The following NRG3 variants were observed in gnomAD, a reference collection of about 807,000 sequenced individuals.
NRG3 encodes pro-neuregulin-3, membrane-bound isoform.
NRG3 carries 31 observed loss-of-function variants against 66.9 expected under a neutral mutation model. The ratio of observed to expected loss-of-function variants is 0.46; its 90% confidence interval spans 0.35 to 0.63. The LOEUF is 0.63. NRG3 is among the 20% of genes least tolerant of loss of function. The pLI is 0.00. For synonymous variants in NRG3, 393 were observed against 359.4 expected (o/e 1.09, Z -1.06); for missense variants, 910 against 878.9 (o/e 1.04, Z -0.45).
rs147262644 is a variant in NRG3, at chr10:82,973,077, G to A, written c.1285-711G>A. 1.7e-3 allele frequency among the ~76,000 whole-genome samples: 255 copies of A among 152,250 alleles called. 3 individuals carry two copies. Among genetic ancestry groups the A allele is most frequent in the African/African-American group, 5.7e-3 (238 of 41,548 alleles). On this transcript the variant is annotated intron_variant, in intron 6 of 8. Coordinates refer to ENST00000372141, the MANE Select transcript of NRG3 (RefSeq NM_001010848.4). ...TCTACCTTTTGCCACCTGTTCCAGCGCCCAGTGTGCAGGGAGTGTTAAAGT... is the reference window on the plus strand; with the variant it reads ...TCTACCTTTTGCCACCTGTTCCAGCACCCAGTGTGCAGGGAGTGTTAAAGT...
chr10:82,283,658 A>G (rs1000933986), intron 1 of NRG3, among the ~76,000 whole-genome samples: 8 of 152,066 alleles, frequency 5.3e-5, no homozygotes, highest in Non-Finnish European at 1.0e-4. Context: ...AAATATACTG[A>G]TGCTTATGAT....
At chr10:82,550,087 G>A (rs990458304) in intron 2 of NRG3, among the ~76,000 whole-genome samples, 18 of 152,206 alleles carry the variant, frequency 1.2e-4, no homozygotes, top group African/African-American at 3.4e-4. Flanking sequence ...TGAAGTCCTC[G>A]AGTAGACTGT....
At chr10:81,912,608 A>G (rs1019570495) in intron 1 of NRG3, among the ~76,000 whole-genome samples, 1 of 152,176 alleles carries the variant, frequency 6.6e-6, no homozygotes, top group Admixed American at 6.5e-5. Flanking sequence ...AGAGTGTTAT[A>G]AGAGAGAATA....
intron 1 of NRG3, among the ~76,000 whole-genome samples, chr10:82,146,918 ACTGT>A (rs1212804766): frequency 2.6e-5 from 4 of 152,116 alleles, no homozygotes; most frequent in Non-Finnish European, 5.9e-5. Context: ...AAGTGAGTAG[ACTGT>A]CTGGGTCCAG....
At chr10:82,717,761 G>A (rs1400041494) in intron 2 of NRG3, among the ~76,000 whole-genome samples, 1 of 152,046 alleles carries the variant, frequency 6.6e-6, no homozygotes, top group African/African-American at 2.4e-5. Context: ...GAGTGTACAG[G>A]AATCTCTCAA....
rs1564700146 is a variant in NRG3 at position 82,986,896 on chromosome 10, A to G, written c.*1291A>G. ...CGGCTTCTGTGGTTAGTATGGGAAGAATAAATTGTTGAAATAAAAATACCC... is the reference window on the plus strand; with the variant it reads ...CGGCTTCTGTGGTTAGTATGGGAAGGATAAATTGTTGAAATAAAAATACCC... On this transcript the variant is annotated 3_prime_UTR_variant, in exon 9 of 9. Transcript: ENST00000372141. 1.3e-5 allele frequency: 2 copies of G among 152,226 alleles called. No individual in the cohort carries two copies. The highest frequency in any genetic ancestry group is 1.3e-4 in the Admixed American group (2 of 15,288). The allele number at this position is 152,226 out of a possible 1,614,324, so 9.4% of individuals were successfully genotyped here. A position where few individuals can be genotyped will look rare whatever the true frequency, so the allele number is the denominator to read the frequency against.
At chr10:82,919,433 G>A (rs1846203936) in intron 4 of NRG3, among the ~76,000 whole-genome samples, 1 of 152,082 alleles carries the variant, frequency 6.6e-6, no homozygotes, top group Non-Finnish European at 1.5e-5. Flanking sequence ...AGCGATTATA[G>A]GGAATAAAAG....
intron 1 of NRG3, among the ~76,000 whole-genome samples, chr10:82,195,621 C>A (rs1222410537): frequency 6.6e-6 from 1 of 152,108 alleles, no homozygotes; most frequent in Admixed American, 6.5e-5. Context: ...CCACAGATAC[C>A]CATGCCCCAA....
At chr10:82,311,126 C>T (rs1481658137) in intron 1 of NRG3, among the ~76,000 whole-genome samples, 1 of 143,728 alleles carries the variant, frequency 7.0e-6, no homozygotes, top group Non-Finnish European at 1.5e-5. Flanking sequence ...AAGATTGAGC[C>T]AAATGAGAGT....
At chr10:82,171,074 T>G (rs890441101) in intron 1 of NRG3, among the ~76,000 whole-genome samples, 2 of 152,038 alleles carry the variant, frequency 1.3e-5, no homozygotes, top group African/African-American at 2.4e-5. Context: ...TTTTCTATTT[T>G]CTTTCATTTT....
intron 3 of NRG3, among the ~76,000 whole-genome samples, chr10:82,767,224 A>G (rs1189808477): frequency 6.6e-6 from 1 of 151,914 alleles, no homozygotes; most frequent in Non-Finnish European, 1.5e-5. Context: ...TGGAGCACCC[A>G]TCTATCACAC....
At position 81,965,145 on chromosome 10, in the gene NRG3, T is replaced by A. The variant is rs184119635; in HGVS notation, c.823+88982T>A. Among the ~76,000 whole-genome samples the A allele has an allele frequency of 3.0e-4, 45 of 152,312 alleles. 1 individual carries two copies. The East Asian group carries it at 8.5e-3, about 29-fold the overall frequency. Reference sequence around the variant, plus strand: ...CCGGAAAGTGCTGAAGTATTAAAGGTCCATCCTAGGCCATACCTACATGGG... The same window carrying A: ...CCGGAAAGTGCTGAAGTATTAAAGGACCATCCTAGGCCATACCTACATGGG... On this transcript the variant is annotated intron_variant, in intron 1 of 8. Coordinates refer to ENST00000372141, the MANE Select transcript of NRG3 (RefSeq NM_001010848.4).
At chr10:82,366,621 ATTG>A (rs1381142654) in intron 2 of NRG3, among the ~76,000 whole-genome samples, 3 of 152,134 alleles carry the variant, frequency 2.0e-5, no homozygotes, top group Non-Finnish European at 4.4e-5. Flanking sequence ...ATAACATGAA[ATTG>A]TTGTCGATTT....
chr10:82,740,308 C>T (rs1466699204), intron 3 of NRG3, among the ~76,000 whole-genome samples: 2 of 150,960 alleles, frequency 1.3e-5, no homozygotes, highest in Non-Finnish European at 2.9e-5. Context: ...CTATTCAGTA[C>T]AGGTTACAAA....
intron 1 of NRG3, among the ~76,000 whole-genome samples, chr10:82,054,296 A>T (rs2063733917): frequency 6.6e-6 from 1 of 152,300 alleles, no homozygotes; most frequent in South Asian, 2.1e-4. Context: ...TAGACCAGAG[A>T]TATTGAGAAG....
chr10:82,835,177 G>T (rs2062712685), intron 3 of NRG3, among the ~76,000 whole-genome samples: 1 of 152,070 alleles, frequency 6.6e-6, no homozygotes, highest in Non-Finnish European at 1.5e-5. Flanking sequence ...AGCAAAGTAT[G>T]GTCCTGATAA....
At chr10:82,785,534 G>A (rs1328085028) in intron 3 of NRG3, among the ~76,000 whole-genome samples, 1 of 151,986 alleles carries the variant, frequency 6.6e-6, no homozygotes, top group Non-Finnish European at 1.5e-5. Context: ...TAGGAATAGG[G>A]TATTGAAAAA....
At chr10:81,942,590 T>C (rs1848492961) in intron 1 of NRG3, among the ~76,000 whole-genome samples, 1 of 152,206 alleles carries the variant, frequency 6.6e-6, no homozygotes, top group Non-Finnish European at 1.5e-5. Context: ...GCTAGATTTG[T>C]TTTACATTGT....
intron 1 of NRG3, among the ~76,000 whole-genome samples, chr10:82,127,192 CAATGGAATTTGT>C (rs2068502053): frequency 6.6e-6 from 1 of 152,036 alleles, no homozygotes; most frequent in Admixed American, 6.6e-5. Flanking sequence ...CATCTCTGTT[CAATGGAATTTGT>C]AAGGTCAAAA....
Sources: gnomAD v4.1 joint callset for allele counts (sites outside exome capture counted in the v4.1 genomes callset) on GRCh38, gnomAD v4.1.1 for gene constraint, MANE v1.5 for transcripts, NCBI Gene and HGNC (gene_info 2026-07-23, HGNC 2026-07-21) for gene names.